The following CNTNAP2 variants were observed in gnomAD, a reference collection of about 807,000 sequenced individuals.
CNTNAP2 encodes the protein contactin associated protein 2.
A neutral mutation model predicts 155.2 loss-of-function variants in CNTNAP2; 98 were observed. The ratio of observed to expected loss-of-function variants is 0.63; its 90% CI spans 0.54 to 0.75. The LOEUF is 0.75. CNTNAP2 is among the 30% of genes least tolerant of loss of function. The pLI, the probability that CNTNAP2 is intolerant of heterozygous loss-of-function variation, is 0.00. For synonymous variants in CNTNAP2, 651 were observed against 631.2 expected, an observed-to-expected ratio of 1.03 and a Z score of -0.47; for missense variants, 1,727 against 1,688.1, an observed-to-expected ratio of 1.02 and a Z score of -0.40.
chr7:147,784,494 AATATATATATATATATATATATATAT>A (rs10528525), intron 13 of CNTNAP2, among the ~76,000 whole-genome samples: 2,288 of 44,970 alleles, frequency 0.051, 137 homozygotes, highest in African/African-American at 0.093. Flanking sequence ...GCTCTGGACT[AATATATATATATATATATATATATAT>A]ATATATATAT....
intron 13 of CNTNAP2, among the ~76,000 whole-genome samples, chr7:147,722,905 C>G (rs1796585951): frequency 6.6e-6 from 1 of 152,040 alleles, no homozygotes; most frequent in African/African-American, 2.4e-5. Flanking sequence ...TTCTGGTATT[C>G]TCTGAACAAT....
At chr7:147,626,876 A>G (rs1240456528) in intron 12 of CNTNAP2, among the ~76,000 whole-genome samples, 4 of 152,172 alleles carry the variant, frequency 2.6e-5, no homozygotes, top group African/African-American at 4.8e-5. Flanking sequence ...AAGCCAGCAC[A>G]CTAAACATAT....
intron 13 of CNTNAP2, among the ~76,000 whole-genome samples, chr7:147,898,608 C>T (rs1203323671): frequency 6.6e-6 from 1 of 152,102 alleles, no homozygotes; most frequent in Non-Finnish European, 1.5e-5. Flanking sequence ...CAACCTCTGC[C>T]ACCGAGGTTC....
chr7:146,203,660 T>C (rs1798901808), intron 1 of CNTNAP2, among the ~76,000 whole-genome samples: 1 of 152,080 alleles, frequency 6.6e-6, no homozygotes, highest in Admixed American at 6.6e-5. Flanking sequence ...CTTTCTCCTC[T>C]CCTGGGGGTG....
intron 1 of CNTNAP2, among the ~76,000 whole-genome samples, chr7:146,494,311 G>A (rs959418506): frequency 6.6e-6 from 1 of 151,520 alleles, no homozygotes; most frequent in African/African-American, 2.4e-5. Context: ...TCCAGCCTGG[G>A]CCACAGAGCG....
intron 3 of CNTNAP2, among the ~76,000 whole-genome samples, chr7:146,948,506 C>CA (rs1026077218): frequency 8.6e-5 from 13 of 151,422 alleles, no homozygotes; most frequent in Admixed American, 2.0e-4. Context: ...GTTAGTCTGA[C>CA]AAAAAAAATA....
chr7:146,641,027 T>C (rs1249031787), intron 1 of CNTNAP2, among the ~76,000 whole-genome samples: 2 of 152,066 alleles, frequency 1.3e-5, no homozygotes, highest in Non-Finnish European at 2.9e-5. Flanking sequence ...TAGTTTGCAA[T>C]TGAAAAGAGA....
intron 8 of CNTNAP2, among the ~76,000 whole-genome samples, chr7:147,299,433 GT>G (rs34268441): frequency 0.12 from 17,173 of 143,110 alleles, 1,151 homozygotes; most frequent in African/African-American, 0.2. Context: ...TTATTTTGCT[GT>G]TTTTTTTTTT....
At chr7:146,520,481 C>T (rs1797602745) in intron 1 of CNTNAP2, among the ~76,000 whole-genome samples, 2 of 151,554 alleles carry the variant, frequency 1.3e-5, no homozygotes, top group South Asian at 4.2e-4. Context: ...GCAGGATCCT[C>T]TAAGTGGTTG....
At chr7:147,842,446 A>T (rs1331586905) in intron 13 of CNTNAP2, among the ~76,000 whole-genome samples, 1 of 152,158 alleles carries the variant, frequency 6.6e-6, no homozygotes, top group East Asian at 1.9e-4. Context: ...TTAAGTTTTC[A>T]TTCAATAACT....
intron 1 of CNTNAP2, among the ~76,000 whole-genome samples, chr7:146,311,401 G>C (rs1007650628): frequency 7.2e-5 from 11 of 151,912 alleles, no homozygotes; most frequent in Non-Finnish European, 1.2e-4. Flanking sequence ...CATCATTTTT[G>C]GTTGAGAGGA....
chr7:147,330,342 T>C (rs918243075), intron 9 of CNTNAP2, among the ~76,000 whole-genome samples: 3 of 152,122 alleles, frequency 2.0e-5, no homozygotes, highest in Non-Finnish European at 2.9e-5. Context: ...ATGCATTTCC[T>C]CCTTTTACCT....
rs553298264 is a variant in CNTNAP2 at position 148,027,653 on chromosome 7, C to A, written c.2383+49664C>A. 2.6e-5 allele frequency among the ~76,000 whole-genome samples: 4 copies of A among 152,236 alleles called. No individual in the cohort carries two copies. The East Asian group carries it at 7.7e-4, about 29-fold the overall frequency. ...CTCAACAGACACAAGAGAATCTGTA[C>A]TTTTAACAATCATACCATCAAGCAA... On this transcript the variant is annotated intron_variant, in intron 15 of 23. Transcript: ENST00000361727.
At chr7:146,766,652 A>G (rs539511235) in intron 1 of CNTNAP2, among the ~76,000 whole-genome samples, 171 of 152,278 alleles carry the variant, frequency 1.1e-3, no homozygotes, top group African/African-American at 4.0e-3. Flanking sequence ...ACCCATCTCA[A>G]TGGGTTACTG....
intron 12 of CNTNAP2, among the ~76,000 whole-genome samples, chr7:147,620,119 C>T (rs1349130704): frequency 6.6e-6 from 1 of 152,234 alleles, no homozygotes; most frequent in Non-Finnish European, 1.5e-5. Flanking sequence ...CACAGCATTA[C>T]TGGGCTTGGG....
intron 12 of CNTNAP2, among the ~76,000 whole-genome samples, chr7:147,621,716 A>G (rs59384607): frequency 0.09 from 13,660 of 151,938 alleles, 1,703 homozygotes; most frequent in African/African-American, 0.26. Context: ...GGACAGGAAG[A>G]AAGAGAAGAC....
At chr7:147,917,460 G>A (rs1169806266) in intron 14 of CNTNAP2, among the ~76,000 whole-genome samples, 1 of 152,174 alleles carries the variant, frequency 6.6e-6, no homozygotes, top group African/African-American at 2.4e-5. Context: ...ATCCTCCTCA[G>A]GATCCAACAT....
At chr7:147,975,166 T>G (rs1801407451) in intron 14 of CNTNAP2, among the ~76,000 whole-genome samples, 1 of 151,944 alleles carries the variant, frequency 6.6e-6, no homozygotes, top group African/African-American at 2.4e-5. Flanking sequence ...TTGTATCATC[T>G]AAATAAATAT....
intron 1 of CNTNAP2, among the ~76,000 whole-genome samples, chr7:146,739,581 A>G (rs538725340): frequency 9.1e-4 from 138 of 152,110 alleles, no homozygotes; most frequent in Non-Finnish European, 1.3e-3. Context: ...CATATGATCT[A>G]TTTTAGAGAA....
Sources: gnomAD v4.1 joint callset for allele counts (sites outside exome capture counted in the v4.1 genomes callset) on GRCh38, gnomAD v4.1.1 for gene constraint, MANE v1.5 for transcripts, NCBI Gene and HGNC (gene_info 2026-07-23, HGNC 2026-07-21) for gene names.